The following TRIM35 variants were observed in gnomAD, a reference collection of about 807,000 sequenced individuals.
The protein encoded by TRIM35 is tripartite motif containing 35, also known as E3 ubiquitin-protein ligase TRIM35.
A neutral mutation model predicts 49.1 loss-of-function variants in TRIM35; 37 were observed. The ratio of observed to expected loss-of-function variants is 0.75; its 90% CI spans 0.58 to 0.99. The LOEUF is 0.99. TRIM35 is among the 50% of genes least tolerant of loss of function. The pLI, the probability that TRIM35 is intolerant of heterozygous loss-of-function variation, is 0.00. For missense variants in TRIM35, 648 were observed against 702.7 expected (o/e 0.92, Z 0.88); for synonymous variants, 302 against 289.3 (o/e 1.04, Z -0.45).
rs1802952341 is a variant in TRIM35 at position 27,311,240 on chromosome 8, C to T, written c.-5G>A. 2.0e-6 allele frequency: 3 copies of T among 1,516,906 alleles called. No individual in the cohort carries two copies. Among genetic ancestry groups the T allele is most frequent in the East Asian group, 2.3e-5 (1 of 42,734 alleles). 94.0% of individuals were successfully genotyped at this position (1,516,906 alleles called of 1,614,324 possible). A position where few individuals can be genotyped will look rare whatever the true frequency, so the allele number is the denominator to read the frequency against. On this transcript the variant is annotated 5_prime_UTR_variant, in exon 1 of 6. In the 5' UTR this introduces an upstream ATG that the reference lacks. Transcript: ENST00000305364. ...CACGTCGGGACTCCGCTCCATGGCA[C>T]GAGCAGCCGGCTCGGGCGCCCGGAA...
At chr8:27,308,086 C>G (rs986442476) in intron 1 of TRIM35, among the ~76,000 whole-genome samples, 3 of 152,110 alleles carry the variant, frequency 2.0e-5, no homozygotes, top group African/African-American at 7.2e-5. Flanking sequence ...AAGAAGGGGC[C>G]TCTGCAAGCT....
intron 3 of TRIM35, among the ~76,000 whole-genome samples, chr8:27,293,767 T>A (rs1040707805): frequency 7.9e-5 from 12 of 151,910 alleles, no homozygotes; most frequent in Non-Finnish European, 1.8e-4. Context: ...GGAGAGAGGA[T>A]CACTTGAGCC....
chr8:27,294,822 GTT>G (rs59648007), intron 2 of TRIM35, among the ~76,000 whole-genome samples: 1 of 149,358 alleles, frequency 6.7e-6, no homozygotes, highest in East Asian at 2.0e-4. Flanking sequence ...CAAAAAGTTT[GTT>G]TTTTTTTTTC....
intron 1 of TRIM35, among the ~76,000 whole-genome samples, chr8:27,303,132 C>G (rs867487281): frequency 6.6e-6 from 1 of 152,042 alleles, no homozygotes; most frequent in African/African-American, 2.4e-5. Context: ...TTTTTTTAAA[C>G]ACAAAAAGAT....
At chr8:27,310,084 A>G (rs1802886155) in intron 1 of TRIM35, among the ~76,000 whole-genome samples, 1 of 152,220 alleles carries the variant, frequency 6.6e-6, no homozygotes. Flanking sequence ...CTGGGTCACA[A>G]GGGAAAATGC....
intron 1 of TRIM35, among the ~76,000 whole-genome samples, chr8:27,307,514 A>G (rs562104981): frequency 6.6e-6 from 1 of 152,304 alleles, no homozygotes; most frequent in East Asian, 1.9e-4. Context: ...CTATGTAATT[A>G]TTAGTGAGAT....
chr8:27,303,520 A>G (rs1802720877), intron 1 of TRIM35, among the ~76,000 whole-genome samples: 1 of 152,180 alleles, frequency 6.6e-6, no homozygotes, highest in South Asian at 2.1e-4. Flanking sequence ...TACAAATAGA[A>G]CTACCACTCA....
chr8:27,299,755 G>C (rs919658432), intron 1 of TRIM35, among the ~76,000 whole-genome samples: 1 of 152,192 alleles, frequency 6.6e-6, no homozygotes, highest in African/African-American at 2.4e-5. Context: ...CTGGACTTTG[G>C]GCTGATGCTG....
At chr8:27,296,597 C>T (rs927407760) in intron 2 of TRIM35, among the ~76,000 whole-genome samples, 1 of 152,218 alleles carries the variant, frequency 6.6e-6, no homozygotes, top group Non-Finnish European at 1.5e-5. Context: ...GATGGGCAGG[C>T]AGTGCCACCA....
chr8:27,287,638 T>A lies in TRIM35; in HGVS notation c.1394A>T (p.Tyr465Phe), dbSNP rs768383163. 1 of 1,609,236 alleles carries A rather than the reference T, an allele frequency of 6.2e-7. No homozygotes were observed. Among genetic ancestry groups the A allele is most frequent in the Non-Finnish European group, 8.5e-7 (1 of 1,177,944 alleles). ...ARFGEVRPYF[Y>F]LGGARGAGPP... ...CCCGGCGCCCCGTGCACCCCCCAGG[T>A]AGAAGTAGGGGCGAACCTCCCCAAA... The change falls in exon 6 of 6, where the codon TAC becomes TTC. Residue 465 changes from tyrosine to phenylalanine, a missense_variant. Transcript: ENST00000305364. This position sits in a 1 kb window ranked among gnomAD's most constrained non-coding sequence, Gnocchi z 6.0.
chr8:27,290,461 G>A (rs574129769), intron 3 of TRIM35, among the ~76,000 whole-genome samples: 36 of 152,344 alleles, frequency 2.4e-4, no homozygotes, highest in African/African-American at 8.2e-4. Context: ...TTATTGTGAA[G>A]TGGTTTAGTT....
At position 27,290,142 on chromosome 8, in the gene TRIM35, C is replaced by A. The variant is rs185767929; in HGVS notation, c.785+14G>T. The A allele has an allele frequency of 8.4e-5, 136 of 1,614,084 alleles. No homozygotes were observed. The East Asian group carries it at 2.1e-3, about 25-fold the overall frequency. On this transcript the variant is annotated intron_variant, in intron 4 of 5. Transcript: ENST00000305364. ...CCACTCTTCCCCTCCCCTCCACCAG[C>A]TTTGGCAACTTACCGGCGTTTTCGG...
rs1485015030 is a variant in TRIM35 at position 27,286,451 on chromosome 8, G to A, written c.*1099C>T. On this transcript the variant is annotated 3_prime_UTR_variant, in exon 6 of 6. Transcript: ENST00000305364. ...GTGCCCTCTTTCCTTCTTTTCTGCA[G>A]ACGCTGATGAGAATTAACCAGAGGA... The A allele has an allele frequency of 3.4e-5, 9 of 267,508 alleles. No individual in the cohort carries two copies. In the South Asian group the frequency reaches 3.4e-4, roughly 10 times the overall value. The allele number at this position is 267,508 out of a possible 1,614,324, so 16.6% of individuals were successfully genotyped here. A position where few individuals can be genotyped will look rare whatever the true frequency, so the allele number is the denominator to read the frequency against.
In TRIM35 at chr8:27,310,868, C is replaced by A; in HGVS notation, c.368G>T (p.Cys123Phe). 2 of 1,611,592 alleles carry A rather than the reference C, an allele frequency of 1.2e-6. No homozygotes were observed. Among genetic ancestry groups the A allele is most frequent in the African/African-American group, 1.3e-5 (1 of 75,012 alleles). The change falls in exon 1 of 6, where the codon TGC (cysteine) becomes TTC (phenylalanine). Residue 123 changes from cysteine (C) to phenylalanine (F), a missense_variant. Cys to Phe is a radical substitution (Grantham distance 205). Transcript: ENST00000305364. ...CCCCTGGTGTCGGGGGTCGGCCTGG[C>A]AGGAGCAGCACAGCAGCTCCTTGTC... ...LEDKELLCCS[C>F]QADPRHQGHR... is the part of the protein sequence containing the mutation.
intron 1 of TRIM35, among the ~76,000 whole-genome samples, chr8:27,304,397 C>A (rs1395988335): frequency 5.9e-5 from 9 of 152,210 alleles, no homozygotes; most frequent in Admixed American, 5.9e-4. Context: ...CTGCTTCCCC[C>A]AACTAACCCA....
chr8:27,298,816 T>A (rs985064573), intron 1 of TRIM35, among the ~76,000 whole-genome samples: 1 of 152,202 alleles, frequency 6.6e-6, no homozygotes, highest in African/African-American at 2.4e-5. Flanking sequence ...GAGATGGGGC[T>A]GAGAAGAAGC....
At chr8:27,290,600 C>G (rs1019780246) in intron 3 of TRIM35, among the ~76,000 whole-genome samples, 16 of 152,184 alleles carry the variant, frequency 1.1e-4, no homozygotes, top group Admixed American at 5.2e-4. Context: ...TGGCCTCACC[C>G]AGAACACTGA....
chr8:27,287,852 A>G lies in TRIM35; in HGVS notation c.1180T>C (p.Ser394Pro), dbSNP rs1802364970. 2 of 1,612,928 alleles carry G rather than the reference A, an allele frequency of 1.2e-6. No individual in the cohort carries two copies. Among genetic ancestry groups the G allele is most frequent in the Non-Finnish European group, 1.7e-6 (2 of 1,179,744 alleles). ...GTGCGGCAGACATACCAGAAGCCCG[A>G]GCGTGTGTCGTGGTAGCAGCTGTGT... ...HSHSCYHDTR[S>P]GFWYVCRTQG... Residue 394 changes from serine to proline, a missense_variant, in exon 6 of 6, where the codon TCG becomes CCG. Transcript: ENST00000305364. The surrounding 1 kb of genome is among the most constrained non-coding windows in gnomAD (Gnocchi z 6.0).
At position 27,286,455 on chromosome 8, in the gene TRIM35, C is replaced by A. The variant is rs1269248677; in HGVS notation, c.*1095G>T. ...CCTCTTTCCTTCTTTTCTGCAGACGCTGATGAGAATTAACCAGAGGAACTT... is the reference window on the plus strand; with the variant it reads ...CCTCTTTCCTTCTTTTCTGCAGACGATGATGAGAATTAACCAGAGGAACTT... On this transcript the variant is annotated 3_prime_UTR_variant, in exon 6 of 6. Transcript: ENST00000305364. The A allele has an allele frequency of 1.5e-4, 41 of 271,440 alleles. 2 individuals carry two copies. The highest frequency in any genetic ancestry group is 1.5e-4 in the Non-Finnish European group (20 of 135,936). 16.8% of individuals were successfully genotyped at this position (271,440 alleles called of 1,614,324 possible).
Sources: gnomAD v4.1 joint callset for allele counts (sites outside exome capture counted in the v4.1 genomes callset) on GRCh38, gnomAD v4.1.1 for gene constraint, Gnocchi (gnomAD v3.1) non-coding constraint, MANE v1.5 for transcripts, NCBI Gene and HGNC (gene_info 2026-07-23, HGNC 2026-07-21) for gene names.